The following MAFF variants were observed in gnomAD, a reference collection of about 807,000 sequenced individuals.
MAFF encodes the protein MAF bZIP transcription factor F.
MAFF carries 4 observed loss-of-function variants against 2.7 expected under a neutral mutation model. The observed-to-expected ratio is 1.48, with a 90% CI of 0.73 to 3.39. The LOEUF is 3.39. MAFF is among the 30% of genes most tolerant of loss of function. The probability of loss-of-function intolerance (pLI) is 0.01; values close to 1 mark genes in which losing one functional copy is unlikely to be tolerated. For synonymous variants in MAFF, 113 were observed against 119.4 expected (o/e 0.95, Z 0.35); for missense variants, 190 against 246.6 (o/e 0.77, Z 1.54).
intron 1 of MAFF, among the ~76,000 whole-genome samples, chr22:38,206,133 T>C (rs11914181): frequency 0.56 from 84,995 of 151,966 alleles, 24,056 homozygotes; most frequent in East Asian, 0.64. Flanking sequence ...TGGCTGATGG[T>C]TCCATCTCTC....
intron 1 of MAFF, among the ~76,000 whole-genome samples, chr22:38,212,783 G>A (rs188431612): frequency 1.2e-4 from 19 of 152,202 alleles, no homozygotes; most frequent in African/African-American, 4.3e-4. Flanking sequence ...GTATCTTACG[G>A]GGTGCTGGAT....
At chr22:38,203,581 G>C (rs1370457711) in intron 1 of MAFF, 3 of 152,328 alleles carry the variant, frequency 2.0e-5, no homozygotes, top group Middle Eastern at 6.8e-3. Flanking sequence ...TGTCGTAGCC[G>C]CCTGCAGGAT....
Position 38,216,440 on chromosome 22 carries a change from G to A in MAFF, c.*1562G>A, listed in dbSNP as rs147366066. On this transcript the variant is annotated 3_prime_UTR_variant, in exon 3 of 3. Transcript: ENST00000338483. ...ATTTATTTCCTGACTTACAGCAAGC[G>A]AGTTATCGTCTTCTGTATTTTGTAG... The A allele has an allele frequency of 1.1e-4, 18 of 167,144 alleles. No individual in the cohort carries two copies. Among genetic ancestry groups the A allele is most frequent in the African/African-American group, 4.1e-4 (17 of 41,550 alleles). 10.4% of individuals were successfully genotyped at this position (167,144 alleles called of 1,614,324 possible). A position where few individuals can be genotyped will look rare whatever the true frequency, so the allele number is the denominator to read the frequency against.
intron 1 of MAFF, among the ~76,000 whole-genome samples, chr22:38,207,833 T>A (rs1452077959): frequency 6.6e-6 from 1 of 152,148 alleles, no homozygotes; most frequent in Non-Finnish European, 1.5e-5. Flanking sequence ...CAGGCCTGAA[T>A]TCTACCCCAT....
chr22:38,206,985 G>A (rs1200847710), intron 1 of MAFF, among the ~76,000 whole-genome samples: 3 of 152,158 alleles, frequency 2.0e-5, no homozygotes, highest in Non-Finnish European at 4.4e-5. Context: ...CAGAGCTGGG[G>A]TGGCCTTGGA....
chr22:38,206,413 C>T (rs1297493805), intron 1 of MAFF, among the ~76,000 whole-genome samples: 1 of 149,886 alleles, frequency 6.7e-6, no homozygotes, highest in Non-Finnish European at 1.5e-5. Flanking sequence ...TTGTTCTCAG[C>T]TCACTGAAAC....
At chr22:38,213,176 C>CAAAAAAAAAA (rs57782814) in intron 1 of MAFF, among the ~76,000 whole-genome samples, 10 of 114,082 alleles carry the variant, frequency 8.8e-5, no homozygotes, top group East Asian at 5.5e-4. Context: ...GACTCTGTCT[C>CAAAAAAAAAA]AAAAAAAAAA....
rs1602337800 is a variant in MAFF, at chr22:38,214,369, C to A, written c.37-51C>A. On this transcript the variant is annotated intron_variant, in intron 2 of 2. Transcript: ENST00000338483. This position sits in a 1 kb window ranked among gnomAD's most constrained non-coding sequence, Gnocchi z 6.3. Reference sequence around the variant, plus strand: ...TGAAAGAGGAACACCGCGGGTGGAGCGGGGGGGCCCGTCCCCAGTCCCCTG... The same window carrying A: ...TGAAAGAGGAACACCGCGGGTGGAGAGGGGGGGCCCGTCCCCAGTCCCCTG... The A allele has an allele frequency of 2.0e-6, 3 of 1,481,528 alleles. No individual in the cohort carries two copies. Among genetic ancestry groups the A allele is most frequent in the Non-Finnish European group, 2.7e-6 (3 of 1,107,906 alleles). The allele number at this position is 1,481,528 out of a possible 1,614,324, so 91.8% of individuals were successfully genotyped here. A position where few individuals can be genotyped will look rare whatever the true frequency, so the allele number is the denominator to read the frequency against.
intron 1 of MAFF, among the ~76,000 whole-genome samples, chr22:38,205,978 A>G (rs1171314733): frequency 1.3e-5 from 2 of 152,148 alleles, no homozygotes; most frequent in African/African-American, 4.8e-5. Flanking sequence ...TGGGTGCCTC[A>G]GCTGACATCC....
chr22:38,205,642 G>C (rs2091045893), intron 1 of MAFF: 1 of 152,286 alleles, frequency 6.6e-6, no homozygotes, highest in South Asian at 2.1e-4. Context: ...AGACCCTGGA[G>C]GTCAGCTCTG....
At chr22:38,210,319 G>T (rs1177834014) in intron 1 of MAFF, among the ~76,000 whole-genome samples, 1 of 152,174 alleles carries the variant, frequency 6.6e-6, no homozygotes, top group East Asian at 1.9e-4. Flanking sequence ...CCTGTGAGCT[G>T]CCAGACCCCC....
At chr22:38,205,261 C>T (rs1568997183) in intron 1 of MAFF, 1 of 152,190 alleles carries the variant, frequency 6.6e-6, no homozygotes, top group Non-Finnish European at 1.5e-5. Context: ...GAGTGCCGTA[C>T]CTGAGGCCAC....
At chr22:38,203,831 G>C (rs796515255) in intron 1 of MAFF, 2 of 152,294 alleles carry the variant, frequency 1.3e-5, no homozygotes, top group Non-Finnish European at 2.9e-5. Flanking sequence ...TGGGTAGAAG[G>C]GGGAAGCTCT....
intron 1 of MAFF, 94 bp from the exon 2 acceptor site, chr22:38,213,729 C>G (rs751282358): frequency 9.1e-6 from 8 of 880,490 alleles, no homozygotes; most frequent in Middle Eastern, 2.1e-4. Flanking sequence ...TCTAAGATAG[C>G]AGAGGCCTTG....
chr22:38,213,990 G>A (rs2091122797), intron 2 of MAFF, 101 bp downstream of exon 2: 8 of 1,288,250 alleles, frequency 6.2e-6, no homozygotes, highest in Non-Finnish European at 8.9e-6. Context: ...TCCCCTGGGT[G>A]GCTCAGCAGG....
At chr22:38,204,672 C>G (rs1234296454) in intron 1 of MAFF, among the ~76,000 whole-genome samples, 2 of 152,176 alleles carry the variant, frequency 1.3e-5, no homozygotes, top group Non-Finnish European at 2.9e-5. Flanking sequence ...GCAACTTCCT[C>G]CCTCACACAC....
chr22:38,213,239 C>A (rs896364202), intron 1 of MAFF, among the ~76,000 whole-genome samples: 1 of 143,360 alleles, frequency 7.0e-6, no homozygotes, highest in African/African-American at 2.6e-5. Flanking sequence ...TCTGAAAAAT[C>A]AAATCAAAGG....
In MAFF at chr22:38,214,339, G is replaced by C; in HGVS notation, c.37-81G>C. 1 of 1,334,868 alleles carries C rather than the reference G, an allele frequency of 7.5e-7. No homozygotes were observed. Among genetic ancestry groups the C allele is most frequent in the Non-Finnish European group, 1.0e-6 (1 of 996,212 alleles). 82.7% of individuals were successfully genotyped at this position (1,334,868 alleles called of 1,614,324 possible). ...GTCCACCCACCACCTCGGCGGCTAA[G>C]GCGGTGAAAGAGGAACACCGCGGGT... On this transcript the variant is annotated intron_variant, in intron 2 of 2. Transcript: ENST00000338483. The surrounding 1 kb of genome is among the most constrained non-coding windows in gnomAD (Gnocchi z 6.3).
chr22:38,211,497 T>C (rs1460545670), intron 1 of MAFF, among the ~76,000 whole-genome samples: 1 of 150,202 alleles, frequency 6.7e-6, no homozygotes, highest in Non-Finnish European at 1.5e-5. Context: ...AGTGCTGGGA[T>C]TACAGGCGTG....
Sources: allele counts gnomAD v4.1 joint callset (sites outside exome capture counted in the v4.1 genomes callset), GRCh38; gene constraint gnomAD v4.1.1; non-coding constraint Gnocchi (gnomAD v3.1); transcripts MANE v1.5; gene names NCBI Gene and HGNC (gene_info 2026-07-23, HGNC 2026-07-21).